Variants in PHEX observed in about 807,000 individuals in gnomAD.
PHEX encodes phosphate-regulating neutral endopeptidase PHEX.
In PHEX, 16 loss-of-function variants were observed where a neutral mutation model predicts 68.0. The observed-to-expected ratio is 0.24, with a 90% CI of 0.16 to 0.36. PHEX has a LOEUF of 0.36. PHEX is among the 10% of genes least tolerant of loss of function. The pLI, the probability that PHEX is intolerant of heterozygous loss-of-function variation, is 1.00. For missense variants in PHEX, 480 were observed against 575.5 expected, an observed-to-expected ratio of 0.83 and a Z score of 1.70; for synonymous variants, 208 against 205.1, an observed-to-expected ratio of 1.01 and a Z score of -0.12.
intron 11 of PHEX, among the ~76,000 whole-genome samples, chrX:22,130,464 C>T (rs1478146552): frequency 3.8e-5 from 4 of 106,044 alleles, no homozygotes; most frequent in Non-Finnish European, 5.8e-5. Context: ...ATCGCTTGAA[C>T]CTGGGAGGTG....
intron 20 of PHEX, among the ~76,000 whole-genome samples, chrX:22,244,101 C>A (rs778850944): frequency 8.9e-6 from 1 of 111,798 alleles, no homozygotes; most frequent in East Asian, 2.8e-4. Flanking sequence ...TACTATGCAG[C>A]CATAAAAAAG....
intron 12 of PHEX, among the ~76,000 whole-genome samples, chrX:22,147,038 A>C (rs1319513481): frequency 1.8e-5 from 2 of 110,717 alleles, no homozygotes; most frequent in Non-Finnish European, 3.8e-5. Flanking sequence ...CTCAGTATAA[A>C]ATTCTAGAGA....
chrX:22,063,091 C>T (rs925102554), intron 3 of PHEX, among the ~76,000 whole-genome samples: 3 of 110,971 alleles, frequency 2.7e-5, no homozygotes, highest in African/African-American at 3.3e-5. Context: ...ACCTCCCTCC[C>T]GACCAGGCAG....
chrX:22,106,729 G>A (rs1476970278), intron 9 of PHEX, among the ~76,000 whole-genome samples: 1 of 101,703 alleles, frequency 9.8e-6, no homozygotes, highest in Admixed American at 1.1e-4. Flanking sequence ...AGCTGAGATT[G>A]TGCCATTACA....
chrX:22,157,406 G>A (rs1201206325), intron 12 of PHEX, among the ~76,000 whole-genome samples: 2 of 112,482 alleles, frequency 1.8e-5, no homozygotes, highest in Non-Finnish European at 1.9e-5. Context: ...CTCTAAGGAC[G>A]ATGGGTGTGT....
intron 15 of PHEX, among the ~76,000 whole-genome samples, chrX:22,205,998 A>T (rs969628959): frequency 4.5e-5 from 5 of 112,234 alleles, no homozygotes; most frequent in Non-Finnish European, 9.4e-5. Context: ...AAGAGGATAC[A>T]GGAGTGATGG....
intron 16 of PHEX, among the ~76,000 whole-genome samples, chrX:22,217,257 A>G (rs182190694): frequency 8.9e-6 from 1 of 112,459 alleles, no homozygotes; most frequent in Admixed American, 9.4e-5. Flanking sequence ...TTTGTCCCAC[A>G]CTGCTATGAT....
At chrX:22,093,280 C>A (rs1929983520) in intron 6 of PHEX, among the ~76,000 whole-genome samples, 1 of 111,867 alleles carries the variant, frequency 8.9e-6, no homozygotes, top group African/African-American at 3.2e-5. Context: ...GGGCCTAAGG[C>A]AGTTCTTTAA....
chrX:22,197,953 C>A (rs1209170210), intron 15 of PHEX, among the ~76,000 whole-genome samples: 1 of 108,155 alleles, frequency 9.2e-6, no homozygotes, highest in Non-Finnish European at 1.9e-5. Flanking sequence ...TAGTAGTAAC[C>A]ATCCTATAGG....
chrX:22,100,805 A>G (rs1454187634), intron 9 of PHEX, among the ~76,000 whole-genome samples: 2 of 112,019 alleles, frequency 1.8e-5, no homozygotes, highest in Non-Finnish European at 3.8e-5. Context: ...AACGTAGAGA[A>G]CAACAGTAGA....
intron 13 of PHEX, chrX:22,169,991 T>C (rs920658282): frequency 2.7e-5 from 3 of 112,438 alleles, no homozygotes; most frequent in African/African-American, 9.7e-5. Context: ...CGGATCAATA[T>C]GGACCATTTG....
chrX:22,135,072 T>C lies in PHEX; in HGVS notation c.1404+1448T>C, dbSNP rs778172358. Among the ~76,000 whole-genome samples, 7 of 112,382 alleles carry C rather than the reference T, an allele frequency of 6.2e-5. No homozygotes were observed. In the South Asian group the frequency reaches 2.2e-3, roughly 36 times the overall value. On this transcript the variant is annotated intron_variant, in intron 12 of 21. Transcript: ENST00000379374. Reference sequence around the variant, plus strand: ...ATAAACATTGCCATAGATACTTTTGTCAGTAGATGTGAAAAGGCGTTTGTT... The same window carrying C: ...ATAAACATTGCCATAGATACTTTTGCCAGTAGATGTGAAAAGGCGTTTGTT...
intron 20 of PHEX, among the ~76,000 whole-genome samples, chrX:22,241,531 C>T (rs1936195059): frequency 9.0e-6 from 1 of 110,735 alleles, no homozygotes; most frequent in Non-Finnish European, 1.9e-5. Context: ...ACTAGCCAGA[C>T]TAATAAAGAA....
intron 12 of PHEX, among the ~76,000 whole-genome samples, chrX:22,151,470 T>C (rs1932854307): frequency 1.8e-5 from 2 of 111,768 alleles, no homozygotes; most frequent in African/African-American, 6.5e-5. Flanking sequence ...AGTGCTAGGA[T>C]TCCTAAGGGA....
At chrX:22,087,929 A>G (rs1929695042) in intron 5 of PHEX, among the ~76,000 whole-genome samples, 1 of 111,961 alleles carries the variant, frequency 8.9e-6, no homozygotes, top group Non-Finnish European at 1.9e-5. Context: ...ATTTACATAA[A>G]TTCATTTTTT....
intron 4 of PHEX, among the ~76,000 whole-genome samples, chrX:22,076,978 C>G (rs148313122): frequency 7.9e-4 from 89 of 112,310 alleles, no homozygotes; most frequent in Middle Eastern, 4.6e-3. Context: ...TCTGCCTTCT[C>G]AAGCCCACCA....
intron 11 of PHEX, among the ~76,000 whole-genome samples, chrX:22,120,146 T>C (rs1931426833): frequency 8.9e-6 from 1 of 112,072 alleles, no homozygotes; most frequent in South Asian, 3.7e-4. Flanking sequence ...TTAAGTGCTT[T>C]CAGTGTGTGA....
rs761383092 is a variant in PHEX, at chrX:22,212,894, C to T, written c.1646-10C>T. On this transcript the variant is annotated splice_polypyrimidine_tract_variant and intron_variant, in intron 15 of 21. Coordinates refer to ENST00000379374, the MANE Select transcript of PHEX (RefSeq NM_000444.6). ...TCTCTATATCTCTTAACATTTTTTC[C>T]TTCTCATAGGATTTCCAGCAGGAGA... The T allele has an allele frequency of 1.1e-4, 136 of 1,187,752 alleles. No homozygotes were observed. Among genetic ancestry groups the T allele is most frequent in the Non-Finnish European group, 1.5e-4 (133 of 875,304 alleles).
chrX:22,177,421 C>T (rs779823970), intron 13 of PHEX, among the ~76,000 whole-genome samples: 45 of 111,208 alleles, frequency 4.0e-4, no homozygotes, highest in Non-Finnish European at 7.7e-4. Flanking sequence ...TCACTACAAA[C>T]GATTGCATGA....
Sources: gnomAD v4.1 joint callset for allele counts (sites outside exome capture counted in the v4.1 genomes callset) on GRCh38, gnomAD v4.1.1 for gene constraint, MANE v1.5 for transcripts, NCBI Gene and HGNC (gene_info 2026-07-23, HGNC 2026-07-21) for gene names.